The following FGF5 variants were observed in gnomAD, a reference collection of about 807,000 sequenced individuals.
The protein encoded by FGF5 is heparin-binding growth factor 5.
In FGF5, 23 loss-of-function variants were observed where a neutral mutation model predicts 21.8. The ratio of observed to expected loss-of-function variants is 1.05; its 90% CI spans 0.76 to 1.49. The LOEUF (loss-of-function observed/expected upper bound fraction) is 1.49, where lower values mean the gene tolerates loss of function less well. Ranked by LOEUF, FGF5 falls within the 40% of genes most tolerant of loss-of-function variation. The probability of loss-of-function intolerance (pLI) is 0.00; values close to 1 mark genes in which losing one functional copy is unlikely to be tolerated. For synonymous variants in FGF5, 158 were observed against 124.0 expected (o/e 1.27, Z -1.82); for missense variants, 352 against 332.9 (o/e 1.06, Z -0.45).
chr4:80,285,156 T>C (rs1199137012), intron 2 of FGF5, among the ~76,000 whole-genome samples: 2 of 152,100 alleles, frequency 1.3e-5, no homozygotes, highest in African/African-American at 4.8e-5. Flanking sequence ...AACTGGTTTT[T>C]GATTGCATGT....
Position 80,290,890 on chromosome 4 carries a change from A to G in FGF5, c.*4218A>G, listed in dbSNP as rs1302454308. The G allele has an allele frequency of 2.0e-5, 3 of 152,160 alleles. No homozygotes were observed. The highest frequency in any genetic ancestry group is 4.4e-5 in the Non-Finnish European group (3 of 68,038). 9.4% of individuals were successfully genotyped at this position (152,160 alleles called of 1,614,324 possible). ...AACTCATCATTTTTTATGGCTGCAT[A>G]GTATTCCATGGTGTATATGTGCCAC... On this transcript the variant is annotated 3_prime_UTR_variant, in exon 3 of 3. Coordinates refer to ENST00000312465, the MANE Select transcript of FGF5 (RefSeq NM_004464.4).
intron 2 of FGF5, among the ~76,000 whole-genome samples, chr4:80,275,828 T>C (rs1202696443): frequency 6.6e-6 from 1 of 152,076 alleles, no homozygotes; most frequent in African/African-American, 2.4e-5. Flanking sequence ...GCATACTTAT[T>C]TTCTTCACAT....
chr4:80,286,870 G>A lies in FGF5; in HGVS notation c.*198G>A, dbSNP rs1435747719. 3.6e-6 allele frequency: 2 copies of A among 557,144 alleles called. No individual in the cohort carries two copies. Among genetic ancestry groups the A allele is most frequent in the Admixed American group, 6.2e-5 (2 of 32,206 alleles). The allele number at this position is 557,144 out of a possible 1,614,324, so 34.5% of individuals were successfully genotyped here. On this transcript the variant is annotated 3_prime_UTR_variant, in exon 3 of 3. Transcript: ENST00000312465. ...AACTGGAATTCTTTGTACTAATACA[G>A]GGAGCACACTCCTTCAGTTCAGCAA...
At chr4:80,282,069 T>G (rs549185743) in intron 2 of FGF5, among the ~76,000 whole-genome samples, 1 of 152,244 alleles carries the variant, frequency 6.6e-6, no homozygotes, top group Non-Finnish European at 1.5e-5. Context: ...TTCAAGCGAT[T>G]CTCCTGCCTC....
rs34644212 is a variant in FGF5 at position 80,272,928 on chromosome 4, G to A, written c.356-1981G>A. On this transcript the variant is annotated intron_variant, in intron 1 of 2. Transcript: ENST00000312465. The stretch of plus-strand genomic sequence containing the variant: ...TTAATGCTATTCCCAATATCATTCC[G>A]TATTTCCAATAGAAATTTAACTTTG... Among the ~76,000 whole-genome samples the A allele has an allele frequency of 9.4e-4, 143 of 151,862 alleles. 1 individual carries two copies. Among genetic ancestry groups the A allele is most frequent in the African/African-American group, 3.0e-3 (123 of 41,424 alleles).
At chr4:80,283,042 C>G (rs551730378) in intron 2 of FGF5, among the ~76,000 whole-genome samples, 1 of 152,006 alleles carries the variant, frequency 6.6e-6, no homozygotes, top group Admixed American at 6.6e-5. Context: ...TGAGCCAGAC[C>G]GGGAATACTA....
rs539931189 is a variant in FGF5 at position 80,287,194 on chromosome 4, A to G, written c.*522A>G. The stretch of plus-strand genomic sequence containing the variant: ...CATTTTATGCTGTTTATGAATTATA[A>G]ATGTGTTTATAGCTCATTTGTAATA... On this transcript the variant is annotated 3_prime_UTR_variant, in exon 3 of 3. Transcript: ENST00000312465. 6.6e-6 allele frequency: 1 copy of G among 152,328 alleles called. No individual in the cohort carries two copies. The highest frequency in any genetic ancestry group is 6.5e-5 in the Admixed American group (1 of 15,292). 9.4% of individuals were successfully genotyped at this position (152,328 alleles called of 1,614,324 possible).
Position 80,286,495 on chromosome 4 carries a change from T to C in FGF5, c.630T>C (p.His210=), listed in dbSNP as rs1720726615. 1 of 1,613,910 alleles carries C rather than the reference T, an allele frequency of 6.2e-7. No individual in the cohort carries two copies. Among genetic ancestry groups the C allele is most frequent in the Non-Finnish European group, 8.5e-7 (1 of 1,180,004 alleles). The change falls in exon 3 of 3, where the codon CAT becomes CAC. Residue 210 remains histidine, a synonymous_variant. Transcript: ENST00000312465. ...GCAGCCCCCGGGTTAAACCCCAGCA[T>C]ATCTCTACCCATTTTCTGCCAAGAT... The part of the protein sequence containing the change: ...RGCSPRVKPQ[H]ISTHFLPRFK...
intron 2 of FGF5, among the ~76,000 whole-genome samples, chr4:80,280,604 T>C (rs545325326): frequency 1.3e-5 from 2 of 152,336 alleles, no homozygotes; most frequent in South Asian, 2.1e-4. Context: ...GGGTGATAGA[T>C]GGATCATTTT....
intron 2 of FGF5, among the ~76,000 whole-genome samples, chr4:80,281,725 A>G (rs1160011504): frequency 6.6e-6 from 1 of 152,204 alleles, no homozygotes; most frequent in Non-Finnish European, 1.5e-5. Context: ...GAACAAAACC[A>G]CAAGAAGGGA....
At chr4:80,280,395 A>T (rs1190223385) in intron 2 of FGF5, among the ~76,000 whole-genome samples, 1 of 152,204 alleles carries the variant, frequency 6.6e-6, no homozygotes, top group African/African-American at 2.4e-5. Flanking sequence ...ACATGGTAAT[A>T]TATTTCTTTG....
At chr4:80,270,681 A>G (rs574591823) in intron 1 of FGF5, among the ~76,000 whole-genome samples, 14 of 152,362 alleles carry the variant, frequency 9.2e-5, no homozygotes, top group East Asian at 1.9e-4. Context: ...ATGTCAATAC[A>G]GTGCTTCTGT....
At chr4:80,269,121 T>C in intron 1 of FGF5, among the ~76,000 whole-genome samples, 1 of 152,188 alleles carries the variant, frequency 6.6e-6, no homozygotes, top group Admixed American at 6.5e-5. Context: ...TAGGAACATC[T>C]AGGAGCAACC....
intron 1 of FGF5, among the ~76,000 whole-genome samples, chr4:80,271,667 A>G (rs1720276220): frequency 6.6e-6 from 1 of 152,182 alleles, no homozygotes; most frequent in South Asian, 2.1e-4. Context: ...AATTTAGCAA[A>G]CAGTCATTGA....
chr4:80,282,026 G>C (rs1228305684), intron 2 of FGF5, among the ~76,000 whole-genome samples: 1 of 152,010 alleles, frequency 6.6e-6, no homozygotes, highest in Non-Finnish European at 1.5e-5. Context: ...GCAATGGTAG[G>C]ATCCCAGCTC....
rs1249748973 is a variant in FGF5 at position 80,267,127 on chromosome 4, G to A, written c.303G>A (p.Leu101=). 3 of 1,613,276 alleles carry A rather than the reference G, an allele frequency of 1.9e-6. 1 individual carries two copies. Among genetic ancestry groups the A allele is most frequent in the East Asian group, 4.5e-5 (2 of 44,612 alleles). The change falls in exon 1 of 3, where the codon CTG becomes CTA. Residue 101 remains leucine, a synonymous_variant. Transcript: ENST00000312465. The part of the protein sequence containing the change: ...LYCRVGIGFH[L]QIYPDGKVNG... ...GCAGAGTGGGCATCGGTTTCCATCT[G>A]CAGATCTACCCGGATGGCAAAGTCA...
At chr4:80,273,092 TCAAA>T (rs140007324) in intron 1 of FGF5, among the ~76,000 whole-genome samples, 255 of 152,082 alleles carry the variant, frequency 1.7e-3, no homozygotes, top group Non-Finnish European at 3.2e-3. Context: ...AGAAGCACAC[TCAAA>T]CAATGTTCAT....
intron 1 of FGF5, among the ~76,000 whole-genome samples, chr4:80,271,431 C>G (rs746996575): frequency 1.3e-5 from 2 of 152,118 alleles, no homozygotes; most frequent in Non-Finnish European, 2.9e-5. Context: ...TTCTCCTCTT[C>G]TTTTGACCCT....
At position 80,274,913 on chromosome 4, in the gene FGF5, T is replaced by C; in HGVS notation, c.360T>C (p.Val120=). 1 of 1,511,964 alleles carries C rather than the reference T, an allele frequency of 6.6e-7. No homozygotes were observed. Among genetic ancestry groups the C allele is most frequent in the Non-Finnish European group, 9.1e-7 (1 of 1,093,284 alleles). The allele number at this position is 1,511,964 out of a possible 1,614,324, so 93.7% of individuals were successfully genotyped here. A position where few individuals can be genotyped will look rare whatever the true frequency, so the allele number is the denominator to read the frequency against. Residue 120 remains valine (V), a synonymous_variant, in exon 2 of 3, where the codon GTT becomes GTC. Transcript: ENST00000312465. ...TTGGGATTTCTGTCATCCTAGGTGT[T>C]TTGGAAATATTTGCTGTGTCTCAGG... ...NGSHEANMLS[V]LEIFAVSQGI...
Sources: gnomAD v4.1 joint callset for allele counts (sites outside exome capture counted in the v4.1 genomes callset) on GRCh38, gnomAD v4.1.1 for gene constraint, MANE v1.5 for transcripts, NCBI Gene and HGNC (gene_info 2026-07-23, HGNC 2026-07-21) for gene names.